The following DPY19L2 variants were observed in gnomAD, a reference collection of about 807,000 sequenced individuals.
DPY19L2 encodes the protein dpy-19 like 2, also known as probable C-mannosyltransferase DPY19L2.
Under a neutral mutation model 97.9 loss-of-function variants are expected in DPY19L2, and 34 were observed. That is an observed-to-expected ratio of 0.35 (90% confidence interval 0.26 to 0.46). The LOEUF (loss-of-function observed/expected upper bound fraction) is 0.46, where lower values mean the gene tolerates loss of function less well. DPY19L2 is among the 20% of genes least tolerant of loss of function. The probability of loss-of-function intolerance (pLI) is 1.00; values close to 1 mark genes in which losing one functional copy is unlikely to be tolerated. For missense variants in DPY19L2, 623 were observed against 911.4 expected (o/e 0.68, Z 4.07); for synonymous variants, 230 against 307.9 (o/e 0.75, Z 2.65).
chr12:63,591,575 T>C (rs1882919571), intron 16 of DPY19L2, among the ~76,000 whole-genome samples: 2 of 152,176 alleles, frequency 1.3e-5, no homozygotes, highest in Admixed American at 1.3e-4. Flanking sequence ...TATGTGTGAC[T>C]GATACGATAC....
At chr12:63,569,450 T>TA (rs2137278211) in intron 20 of DPY19L2, 101 bp from the exon 21 acceptor site, 1 of 932,782 alleles carries the variant, frequency 1.1e-6, no homozygotes, top group African/African-American at 1.7e-5. Context: ...ACTCACTGGA[T>TA]GGAACACCGA....
At chr12:63,562,058 C>A (rs761721864) in intron 21 of DPY19L2, among the ~76,000 whole-genome samples, 36 of 152,112 alleles carry the variant, frequency 2.4e-4, no homozygotes, top group Non-Finnish European at 4.3e-4. Context: ...TGTGAGAGTT[C>A]TTTGTATATT....
At chr12:63,591,988 A>AAAGAG (rs1565728318) in intron 16 of DPY19L2, among the ~76,000 whole-genome samples, 15 of 35,858 alleles carry the variant, frequency 4.2e-4, no homozygotes, top group African/African-American at 2.4e-3. Flanking sequence ...GGGGAAGGGA[A>AAAGAG]GGGAAGGGAG....
chr12:63,583,602 G>A (rs1189569543), intron 17 of DPY19L2, among the ~76,000 whole-genome samples: 1 of 152,198 alleles, frequency 6.6e-6, no homozygotes, highest in East Asian at 1.9e-4. Context: ...CTGTACTATA[G>A]TCATAAATCA....
chr12:63,601,718 G>C (rs1474130383), intron 12 of DPY19L2, among the ~76,000 whole-genome samples: 1 of 152,090 alleles, frequency 6.6e-6, no homozygotes, highest in African/African-American at 2.4e-5. Flanking sequence ...ACAGAGCAGG[G>C]CCTAAGAGTG....
intron 6 of DPY19L2, among the ~76,000 whole-genome samples, chr12:63,635,335 C>T (rs1235075362): frequency 2.6e-5 from 4 of 152,040 alleles, no homozygotes; most frequent in Non-Finnish European, 5.9e-5. Context: ...TGGGGAGAAA[C>T]CAGAGAAAAA....
At chr12:63,668,617 G>A, upstream of DPY19L2, 1 of 552,300 alleles carries the variant, frequency 1.8e-6, no homozygotes, top group Non-Finnish European at 3.2e-6. Flanking sequence ...GCTCCCCAGC[G>A]CGAGCAGCAC....
intron 11 of DPY19L2, among the ~76,000 whole-genome samples, chr12:63,612,226 A>G (rs1887126877): frequency 6.6e-6 from 1 of 152,076 alleles, no homozygotes; most frequent in Admixed American, 6.6e-5. Flanking sequence ...CTTCATGACC[A>G]GGTGATTTGC....
chr12:63,631,723 C>T (rs548300419), intron 6 of DPY19L2, among the ~76,000 whole-genome samples: 13 of 152,142 alleles, frequency 8.5e-5, no homozygotes, highest in Non-Finnish European at 1.8e-4. Context: ...AGGAGGCCAG[C>T]ATCATCCTGA....
chr12:63,620,032 G>A (rs1305179943), intron 9 of DPY19L2: 2 of 452,562 alleles, frequency 4.4e-6, no homozygotes, highest in Non-Finnish European at 8.9e-6. Flanking sequence ...TTCATTCTTT[G>A]TAGGCTATTG....
At chr12:63,579,931 C>T (rs1209050731) in intron 19 of DPY19L2, among the ~76,000 whole-genome samples, 1 of 152,036 alleles carries the variant, frequency 6.6e-6, no homozygotes, top group Non-Finnish European at 1.5e-5. Flanking sequence ...TAGTGAAGAA[C>T]TTGTACCAGA....
At chr12:63,615,983 G>T (rs1887759105) in intron 11 of DPY19L2, among the ~76,000 whole-genome samples, 1 of 151,960 alleles carries the variant, frequency 6.6e-6, no homozygotes, top group Admixed American at 6.6e-5. Flanking sequence ...AAACAATACA[G>T]TATACAACTA....
rs980710943 is a variant in DPY19L2, at chr12:63,614,370, G to A, written c.1218+2934C>T. ...ATAACCAAGATAACTGGGAGATAACGACATAAAGACTGGTGATAAATAAAT... is the reference window on the plus strand; with the variant it reads ...ATAACCAAGATAACTGGGAGATAACAACATAAAGACTGGTGATAAATAAAT... On this transcript the variant is annotated intron_variant, in intron 11 of 21. Coordinates refer to ENST00000324472, the MANE Select transcript of DPY19L2 (RefSeq NM_173812.5). 2.0e-5 allele frequency among the ~76,000 whole-genome samples: 3 copies of A among 151,896 alleles called. No homozygotes were observed. The East Asian group carries it at 5.8e-4, about 29-fold the overall frequency.
intron 14 of DPY19L2, among the ~76,000 whole-genome samples, chr12:63,596,674 G>A (rs1260493776): frequency 2.0e-5 from 3 of 152,138 alleles, no homozygotes; most frequent in African/African-American, 4.8e-5. Flanking sequence ...ATGGATAAGA[G>A]AAGAATGTAA....
chr12:63,627,954 T>C (rs1889858382), intron 6 of DPY19L2, among the ~76,000 whole-genome samples: 1 of 152,092 alleles, frequency 6.6e-6, no homozygotes. Context: ...AAAGTTTCAC[T>C]CAGAAAATAC....
intron 2 of DPY19L2, among the ~76,000 whole-genome samples, chr12:63,665,103 C>A (rs531703592): frequency 6.6e-6 from 1 of 152,338 alleles, no homozygotes; most frequent in Non-Finnish European, 1.5e-5. Flanking sequence ...TAACTCTGTA[C>A]ACCCACTGCA....
chr12:63,571,146 T>C lies in DPY19L2; in HGVS notation c.1901-289A>G, dbSNP rs370330179. Among the ~76,000 whole-genome samples, 16 of 152,108 alleles carry C rather than the reference T, an allele frequency of 1.1e-4. 1 individual carries two copies. In the East Asian group the frequency reaches 1.7e-3, roughly 16 times the overall value. ...TCCTCTGTTCTTACTTTGTAGAATC[T>C]ACAAACTGAGCATGTGAGGGGTCTG... is the stretch of plus-strand genomic sequence containing the variant. On this transcript the variant is annotated intron_variant, in intron 19 of 21. Transcript: ENST00000324472.
intron 20 of DPY19L2, 144 bp from the exon 21 acceptor site, chr12:63,569,493 G>C (rs1029381582): frequency 5.1e-6 from 3 of 592,384 alleles, no homozygotes; most frequent in Non-Finnish European, 8.2e-6. Flanking sequence ...CAATTATTTT[G>C]GGGATGGCAG....
intron 4 of DPY19L2, among the ~76,000 whole-genome samples, chr12:63,652,319 T>C (rs769441227): frequency 2.0e-5 from 3 of 152,302 alleles, no homozygotes; most frequent in Non-Finnish European, 2.9e-5. Context: ...TATACACTGC[T>C]GGTGGGAATG....
Sources: allele counts gnomAD v4.1 joint callset (sites outside exome capture counted in the v4.1 genomes callset), GRCh38; gene constraint gnomAD v4.1.1; transcripts MANE v1.5; gene names NCBI Gene and HGNC (gene_info 2026-07-23, HGNC 2026-07-21).